The following SDK1 variants were observed in gnomAD, a reference collection of about 807,000 sequenced individuals.
The protein encoded by SDK1 is sidekick cell adhesion molecule 1.
A neutral mutation model predicts 245.5 loss-of-function variants in SDK1; 157 were observed. The observed-to-expected ratio is 0.64, with a 90% confidence interval of 0.56 to 0.73. The LOEUF is 0.73. Among genes scored for constraint, SDK1 ranks in the 30% least tolerant of loss-of-function variants. The pLI, the probability that SDK1 is intolerant of heterozygous loss-of-function variation, is 0.00. For synonymous variants in SDK1, 1,647 were observed against 1,278.5 expected (o/e 1.29, Z -6.15); for missense variants, 3,583 against 3,002.3 (o/e 1.19, Z -4.52).
intron 2 of SDK1, among the ~76,000 whole-genome samples, chr7:3,627,435 G>T (rs1055507782): frequency 1.3e-5 from 2 of 152,166 alleles, no homozygotes; most frequent in African/African-American, 4.8e-5. Flanking sequence ...AGATTGCGGT[G>T]CTGGCCTAGT....
intron 1 of SDK1, among the ~76,000 whole-genome samples, chr7:3,566,123 T>C (rs1215022961): frequency 6.6e-6 from 1 of 152,170 alleles, no homozygotes; most frequent in African/African-American, 2.4e-5. Context: ...GTTTTTATTC[T>C]CTTGGAGGTA....
At chr7:4,251,189 C>G (rs576931168) in intron 44 of SDK1, among the ~76,000 whole-genome samples, 1 of 152,312 alleles carries the variant, frequency 6.6e-6, no homozygotes, top group East Asian at 1.9e-4. Flanking sequence ...ATGCATTCAT[C>G]AGTTGATGAA....
intron 4 of SDK1, among the ~76,000 whole-genome samples, chr7:3,765,545 A>C (rs576077051): frequency 6.6e-6 from 1 of 152,170 alleles, no homozygotes; most frequent in African/African-American, 2.4e-5. Flanking sequence ...TGTAGTGTCC[A>C]CCTGTATCTG....
intron 4 of SDK1, among the ~76,000 whole-genome samples, chr7:3,701,213 C>G (rs1336618247): frequency 1.3e-5 from 2 of 152,276 alleles, no homozygotes; most frequent in Non-Finnish European, 2.9e-5. Context: ...TTAAAAAACA[C>G]TTAGGTATAA....
chr7:3,380,323 T>C (rs1781455116), intron 1 of SDK1, among the ~76,000 whole-genome samples: 1 of 152,266 alleles, frequency 6.6e-6, no homozygotes, highest in Non-Finnish European at 1.5e-5. Context: ...GAATTCTTGC[T>C]AGTATCTCAT....
chr7:3,476,537 G>C (rs1042354013), intron 1 of SDK1, among the ~76,000 whole-genome samples: 1 of 152,120 alleles, frequency 6.6e-6, no homozygotes, highest in African/African-American at 2.4e-5. Context: ...CAAAAAGTTT[G>C]GGGTCATATA....
chr7:3,532,779 T>C (rs569428935), intron 1 of SDK1, among the ~76,000 whole-genome samples: 1 of 152,298 alleles, frequency 6.6e-6, no homozygotes, highest in African/African-American at 2.4e-5. Flanking sequence ...GACTAAAGCC[T>C]TGTCTAGTTT....
chr7:4,224,817 C>G (rs184629802), intron 40 of SDK1, among the ~76,000 whole-genome samples: 1 of 151,306 alleles, frequency 6.6e-6, no homozygotes, highest in South Asian at 2.1e-4. Context: ...CCAGTCTGTA[C>G]TACAAATAGA....
chr7:3,615,945 C>T (rs1449279394), intron 1 of SDK1, among the ~76,000 whole-genome samples: 1 of 151,764 alleles, frequency 6.6e-6, no homozygotes, highest in Non-Finnish European at 1.5e-5. Flanking sequence ...AGTGCAGTGG[C>T]ACAATCACGG....
At chr7:3,546,422 G>A (rs915059804) in intron 1 of SDK1, among the ~76,000 whole-genome samples, 2 of 152,138 alleles carry the variant, frequency 1.3e-5, no homozygotes, top group African/African-American at 4.8e-5. Context: ...GTACACTAAA[G>A]CCGTTTTTAA....
intron 1 of SDK1, among the ~76,000 whole-genome samples, chr7:3,573,297 G>A (rs564864760): frequency 2.0e-5 from 3 of 152,134 alleles, no homozygotes; most frequent in Non-Finnish European, 4.4e-5. Flanking sequence ...AGTATGGCCT[G>A]CACAGGCAGA....
chr7:4,231,430 A>G (rs1785759639), intron 40 of SDK1, among the ~76,000 whole-genome samples: 1 of 152,016 alleles, frequency 6.6e-6, no homozygotes, highest in Non-Finnish European at 1.5e-5. Context: ...CAACTTAGCC[A>G]GGCGTGGTGG....
chr7:4,114,095 A>G lies in SDK1; in HGVS notation c.3644A>G (p.Tyr1215Cys). ...NPESVGYRIK[Y>C]WRSDLQSSAV... The stretch of plus-strand genomic sequence containing the variant: ...GAGTCCGTGGGCTACAGGATTAAGT[A>G]CTGGCGCTCAGACCTCCAGTCCTCA... The change falls in exon 25 of 45, where the codon TAC (tyrosine) becomes TGC (cysteine). Residue 1215 changes from tyrosine (Y) to cysteine (C), a missense_variant. Transcript: ENST00000404826. 1 of 1,614,200 alleles carries G rather than the reference A, an allele frequency of 6.2e-7. No homozygotes were observed. Among genetic ancestry groups the G allele is most frequent in the Non-Finnish European group, 8.5e-7 (1 of 1,180,032 alleles).
At chr7:3,467,003 C>CT (rs1562503536) in intron 1 of SDK1, among the ~76,000 whole-genome samples, 1 of 150,422 alleles carries the variant, frequency 6.6e-6, no homozygotes, top group African/African-American at 2.5e-5. Context: ...CACACACACA[C>CT]ACACACACAC....
chr7:3,401,267 A>G (rs1778880237), intron 1 of SDK1, among the ~76,000 whole-genome samples: 1 of 152,226 alleles, frequency 6.6e-6, no homozygotes, highest in East Asian at 1.9e-4. Flanking sequence ...AATTCCAATC[A>G]AGATGAGTTG....
At chr7:4,078,672 C>T (rs1390102839) in intron 21 of SDK1, among the ~76,000 whole-genome samples, 2 of 152,232 alleles carry the variant, frequency 1.3e-5, no homozygotes, top group South Asian at 2.1e-4. Flanking sequence ...TTTTGCATGG[C>T]ACAGTAACAC....
intron 30 of SDK1, among the ~76,000 whole-genome samples, chr7:4,157,320 G>A (rs964929766): frequency 3.3e-5 from 5 of 149,408 alleles, no homozygotes; most frequent in Non-Finnish European, 5.9e-5. Context: ...AAGGAGGGAC[G>A]GGAGGTGGAA....
chr7:4,164,027 T>C (rs576347372), intron 32 of SDK1, among the ~76,000 whole-genome samples: 1 of 152,316 alleles, frequency 6.6e-6, no homozygotes, highest in South Asian at 2.1e-4. Flanking sequence ...GCTGCCTTTC[T>C]CTTGCTAAGG....
chr7:4,230,013 A>G, intron 40 of SDK1, among the ~76,000 whole-genome samples: 1 of 138,044 alleles, frequency 7.2e-6, no homozygotes, highest in African/African-American at 2.7e-5. Context: ...TAATGGATGG[A>G]TGGATGGATG....
Sources: gnomAD v4.1 joint callset for allele counts (sites outside exome capture counted in the v4.1 genomes callset) on GRCh38, gnomAD v4.1.1 for gene constraint, MANE v1.5 for transcripts, NCBI Gene and HGNC (gene_info 2026-07-23, HGNC 2026-07-21) for gene names.